The following PSMD11 variants were observed in gnomAD, a reference collection of about 807,000 sequenced individuals.
The protein encoded by PSMD11 is proteasome 26S subunit, non-ATPase 11, also known as 26S proteasome non-ATPase regulatory subunit 11.
In PSMD11, 5 loss-of-function variants were observed where a neutral mutation model predicts 62.3. The observed-to-expected ratio is 0.08, with a 90% confidence interval of 0.04 to 0.17. PSMD11 has a LOEUF of 0.17. PSMD11 is among the 10% of genes least tolerant of loss of function. The pLI is 1.00. For synonymous variants in PSMD11, 191 were observed against 191.8 expected, an observed-to-expected ratio of 1.00 and a Z score of 0.03; for missense variants, 310 against 512.9, an observed-to-expected ratio of 0.60 and a Z score of 3.82.
intron 3 of PSMD11, among the ~76,000 whole-genome samples, chr17:32,456,631 G>A (rs1253459257): frequency 6.6e-6 from 1 of 152,202 alleles, no homozygotes; most frequent in Non-Finnish European, 1.5e-5. Context: ...CTGGATTCAT[G>A]CCATTCTCCT....
intron 4 of PSMD11, 52 bp from the exon 5 acceptor site, chr17:32,464,469 C>A: frequency 7.1e-7 from 1 of 1,413,468 alleles, no homozygotes; most frequent in Non-Finnish European, 9.8e-7. Flanking sequence ...TCTTTGATTT[C>A]TTTCTGTGGC....
intron 5 of PSMD11, among the ~76,000 whole-genome samples, chr17:32,466,342 C>T (rs868081392): frequency 1.3e-5 from 2 of 152,120 alleles, no homozygotes; most frequent in South Asian, 4.1e-4. Flanking sequence ...TATTCATTAG[C>T]AGCCCTGGGC....
At position 32,476,194 on chromosome 17, in the gene PSMD11, G is replaced by C. The variant is rs535409076; in HGVS notation, c.850-1327G>C. On this transcript the variant is annotated intron_variant, in intron 8 of 13. Transcript: ENST00000261712. ...GAGGCAGGAGAATCACTTCAAACGG[G>C]GAGTGGAAGTTGCAGTAAGCCAAGA... Among the ~76,000 whole-genome samples the C allele has an allele frequency of 3.3e-5, 5 of 152,168 alleles. No individual in the cohort carries two copies. The East Asian group carries it at 7.8e-4, about 24-fold the overall frequency.
intron 6 of PSMD11, 73 bp downstream of exon 6, chr17:32,469,266 G>T: frequency 1.4e-6 from 2 of 1,457,480 alleles, no homozygotes; most frequent in Non-Finnish European, 9.2e-7. Flanking sequence ...AGGAATGGGG[G>T]TTGGGGCTGG....
At chr17:32,454,923 C>A (rs1165777428) in intron 3 of PSMD11, 1 of 242,180 alleles carries the variant, frequency 4.1e-6, no homozygotes, top group Non-Finnish European at 8.1e-6. Context: ...GTCTGTGGTA[C>A]CTTTCATCTT....
chr17:32,454,053 C>T (rs2150830302), intron 2 of PSMD11, among the ~76,000 whole-genome samples: 1 of 152,278 alleles, frequency 6.6e-6, no homozygotes, highest in African/African-American at 2.4e-5. Context: ...CTAAGGGGAA[C>T]AGCTGAAGCA....
intron 10 of PSMD11, 167 bp from the exon 11 acceptor site, chr17:32,479,684 T>C (rs774090529): frequency 2.9e-5 from 23 of 795,054 alleles, no homozygotes; most frequent in Non-Finnish European, 4.3e-5. Context: ...TGTGTAGCAG[T>C]GAAGGGCAGG....
At chr17:32,477,762 T>G in intron 9 of PSMD11, 179 bp downstream of exon 9, 1 of 419,360 alleles carries the variant, frequency 2.4e-6, no homozygotes, top group Admixed American at 4.2e-5. Context: ...ACAATGAAAC[T>G]TACTGAGTTG....
chr17:32,474,888 G>A (rs1908273770), intron 8 of PSMD11, 64 bp downstream of exon 8: 10 of 1,418,100 alleles, frequency 7.1e-6, no homozygotes, highest in Middle Eastern at 1.8e-4. Flanking sequence ...GAGTCACAAC[G>A]TTTGATGAGA....
intron 5 of PSMD11, among the ~76,000 whole-genome samples, chr17:32,467,339 G>A (rs1478213012): frequency 8.2e-5 from 12 of 145,480 alleles, no homozygotes; most frequent in African/African-American, 1.8e-4. Context: ...TCCACCTCCC[G>A]GGTTCAAGTG....
intron 9 of PSMD11, among the ~76,000 whole-genome samples, chr17:32,478,998 C>T (rs1908412526): frequency 6.6e-6 from 1 of 152,052 alleles, no homozygotes; most frequent in Non-Finnish European, 1.5e-5. Flanking sequence ...TGGACTTGAA[C>T]TCTTGGGCTC....
chr17:32,447,136 T>C (rs1907355816), intron 2 of PSMD11, 90 bp downstream of exon 2: 27 of 998,318 alleles, frequency 2.7e-5, no homozygotes, highest in Non-Finnish European at 3.9e-5. Context: ...ATCCACAAAC[T>C]GAATTCAGCT....
chr17:32,459,290 C>T (rs1907753929), intron 3 of PSMD11, among the ~76,000 whole-genome samples: 1 of 151,970 alleles, frequency 6.6e-6, no homozygotes, highest in Non-Finnish European at 1.5e-5. Context: ...ATGCTCACAG[C>T]TCACTGCAGC....
intron 2 of PSMD11, among the ~76,000 whole-genome samples, chr17:32,451,959 G>A (rs192562490): frequency 8.5e-5 from 13 of 152,220 alleles, no homozygotes; most frequent in African/African-American, 2.6e-4. Context: ...TAAACTCCTG[G>A]GCTCAAGCAG....
At chr17:32,447,879 C>T (rs1200243717) in intron 2 of PSMD11, among the ~76,000 whole-genome samples, 2 of 148,348 alleles carry the variant, frequency 1.3e-5, no homozygotes, top group South Asian at 2.1e-4. Flanking sequence ...TTTTTTTTTT[C>T]TTTTTCTTTT....
Position 32,479,350 on chromosome 17 carries a change from G to A in PSMD11, c.1012G>A (p.Val338Ile), listed in dbSNP as rs775679395. 8.1e-6 allele frequency: 13 copies of A among 1,614,074 alleles called. No homozygotes were observed. The highest frequency in any genetic ancestry group is 1.1e-5 in the Non-Finnish European group (13 of 1,180,038). The change falls in exon 10 of 14, where the codon GTC becomes ATC. Residue 338 changes from valine to isoleucine, a missense_variant. Val to Ile is a conservative substitution (Grantham distance 29). Coordinates refer to ENST00000261712, the MANE Select transcript of PSMD11 (RefSeq NM_002815.4). ...CTTACTAGAACAGAATCTGATCCGA[G>A]TCATTGAGCCTTTTTCCAGAGTACA... The part of the protein sequence containing the change: ...DNLLEQNLIR[V>I]IEPFSRVQIE...
At chr17:32,463,941 G>A (rs751186996) in intron 3 of PSMD11, 108 bp from the exon 4 acceptor site, 36 of 1,009,044 alleles carry the variant, frequency 3.6e-5, no homozygotes, top group South Asian at 1.4e-4. Context: ...ACTAAATAGA[G>A]CAACATGGAT....
intron 5 of PSMD11, among the ~76,000 whole-genome samples, chr17:32,467,390 C>T (rs1908027961): frequency 6.6e-6 from 1 of 151,908 alleles, no homozygotes; most frequent in Admixed American, 6.6e-5. Flanking sequence ...AGATTATAGG[C>T]GTGCACCACC....
intron 3 of PSMD11, among the ~76,000 whole-genome samples, chr17:32,463,039 A>G (rs746104869): frequency 2.6e-5 from 4 of 152,246 alleles, no homozygotes; most frequent in Non-Finnish European, 5.9e-5. Flanking sequence ...TGTATTAGCA[A>G]TTAGTTCTCT....
Sources: allele counts gnomAD v4.1 joint callset (sites outside exome capture counted in the v4.1 genomes callset), GRCh38; gene constraint gnomAD v4.1.1; transcripts MANE v1.5; gene names NCBI Gene and HGNC (gene_info 2026-07-23, HGNC 2026-07-21).